The following RADX variants were observed in gnomAD, a reference collection of about 807,000 sequenced individuals.
The protein encoded by RADX is RPA1 related single stranded DNA binding protein, X-linked.
In RADX, 36 loss-of-function variants were observed where a neutral mutation model predicts 61.6. The observed-to-expected ratio is 0.58, with a 90% confidence interval of 0.45 to 0.77. The LOEUF is 0.77. RADX is among the 30% of genes least tolerant of loss of function. RADX has a pLI of 0.00. For missense variants in RADX, 497 were observed against 651.1 expected, an observed-to-expected ratio of 0.76 and a Z score of 2.58; for synonymous variants, 272 against 237.9, an observed-to-expected ratio of 1.14 and a Z score of -1.32.
chrX:106,653,436 A>G (rs1427855869), intron 11 of RADX, among the ~76,000 whole-genome samples: 2 of 111,281 alleles, frequency 1.8e-5, no homozygotes, highest in Non-Finnish European at 3.8e-5. Context: ...AATGTTGTAT[A>G]TTGTAGACCT....
chrX:106,630,621 TA>T (rs1485849311), intron 3 of RADX, among the ~76,000 whole-genome samples: 1 of 110,777 alleles, frequency 9.0e-6, no homozygotes, highest in African/African-American at 3.3e-5. Context: ...CACAAAGTAT[TA>T]AAAAAATAGG....
At chrX:106,612,753 T>G in intron 1 of RADX, 30 bp downstream of exon 1, 2 of 1,149,966 alleles carry the variant, frequency 1.7e-6, no homozygotes, top group South Asian at 4.2e-5. Flanking sequence ...GGCAGAGGGT[T>G]TTAAAAAAAA....
At chrX:106,627,847 A>T (rs1328719944) in intron 3 of RADX, among the ~76,000 whole-genome samples, 1 of 111,194 alleles carries the variant, frequency 9.0e-6, no homozygotes, top group Non-Finnish European at 1.9e-5. Flanking sequence ...TTATTTATTT[A>T]TTTTTTGAGA....
intron 13 of RADX, among the ~76,000 whole-genome samples, chrX:106,674,075 T>C (rs1928441455): frequency 9.0e-6 from 1 of 111,319 alleles, no homozygotes; most frequent in South Asian, 3.8e-4. Flanking sequence ...TTTTTCTACC[T>C]CTTCAGTGCC....
At chrX:106,622,343 C>A (rs1362373096) in intron 1 of RADX, among the ~76,000 whole-genome samples, 1 of 108,508 alleles carries the variant, frequency 9.2e-6, no homozygotes, top group East Asian at 2.9e-4. Flanking sequence ...GAGTTTAAAT[C>A]CAGGTTTTCC....
At chrX:106,664,241 GT>G (rs1356462404) in intron 12 of RADX, among the ~76,000 whole-genome samples, 3 of 104,589 alleles carry the variant, frequency 2.9e-5, no homozygotes, top group South Asian at 4.3e-4. Context: ...AATTGTTATT[GT>G]TTTTTTTCTG....
At chrX:106,620,053 T>C (rs1926905291) in intron 1 of RADX, among the ~76,000 whole-genome samples, 1 of 111,853 alleles carries the variant, frequency 8.9e-6, no homozygotes, top group South Asian at 3.7e-4. Context: ...TTCACAATAC[T>C]AAGGCTTTAC....
chrX:106,633,691 G>T (rs1927293774), intron 6 of RADX, among the ~76,000 whole-genome samples: 1 of 111,766 alleles, frequency 8.9e-6, no homozygotes, highest in Non-Finnish European at 1.9e-5. Context: ...TGGTAAGTAT[G>T]GTTCCGGTCG....
chrX:106,614,935 G>T (rs1223695262), intron 1 of RADX, among the ~76,000 whole-genome samples: 2 of 111,218 alleles, frequency 1.8e-5, no homozygotes, highest in African/African-American at 6.5e-5. Flanking sequence ...CTCCCTTTAA[G>T]ATATAGAACA....
intron 10 of RADX, among the ~76,000 whole-genome samples, chrX:106,646,630 C>G (rs1927665666): frequency 9.0e-6 from 1 of 110,739 alleles, no homozygotes; most frequent in Non-Finnish European, 1.9e-5. Context: ...GGAAATTATG[C>G]TGGAGCTAAA....
chrX:106,633,912 GA>G (rs1239208461), intron 6 of RADX, among the ~76,000 whole-genome samples: 1 of 111,031 alleles, frequency 9.0e-6, no homozygotes, highest in African/African-American at 3.3e-5. Context: ...TTATGATAAG[GA>G]AAAAAGTATA....
intron 13 of RADX, among the ~76,000 whole-genome samples, chrX:106,671,033 T>C (rs936371178): frequency 9.0e-6 from 1 of 111,468 alleles, no homozygotes; most frequent in African/African-American, 3.3e-5. Context: ...CAGGTAAAAA[T>C]GAAAGCTCCC....
intron 12 of RADX, 146 bp downstream of exon 12, chrX:106,662,451 C>T (rs1928124207): frequency 2.1e-6 from 1 of 467,763 alleles, no homozygotes; most frequent in African/African-American, 2.4e-5. Context: ...GAATGGAGCA[C>T]CAATTATGGA....
chrX:106,658,803 A>G (rs956184781), intron 11 of RADX, among the ~76,000 whole-genome samples: 1 of 111,378 alleles, frequency 9.0e-6, no homozygotes, highest in African/African-American at 3.3e-5. Flanking sequence ...ATATCTAGTA[A>G]CTCAGACATA....
At chrX:106,643,727 G>A (rs959096629) in intron 10 of RADX, among the ~76,000 whole-genome samples, 4 of 111,390 alleles carry the variant, frequency 3.6e-5, no homozygotes, top group Admixed American at 9.5e-5. Flanking sequence ...ACATTGATTT[G>A]CATATGTTGA....
chrX:106,667,838 A>G, intron 12 of RADX, among the ~76,000 whole-genome samples: 1 of 111,737 alleles, frequency 8.9e-6, no homozygotes, highest in Non-Finnish European at 1.9e-5. Context: ...GGAACGGTCA[A>G]TGGTAAATTT....
At chrX:106,660,813 G>A (rs748016077) in intron 11 of RADX, among the ~76,000 whole-genome samples, 6 of 111,913 alleles carry the variant, frequency 5.4e-5, no homozygotes, top group African/African-American at 9.7e-5. Flanking sequence ...TAATGTATAC[G>A]TGTATTAGTC....
At chrX:106,623,657 A>G (rs2147613826) in intron 2 of RADX, among the ~76,000 whole-genome samples, 1 of 110,974 alleles carries the variant, frequency 9.0e-6, no homozygotes, top group Admixed American at 9.7e-5. Context: ...TTAATCATAT[A>G]TATCACATAT....
chrX:106,620,046 A>G (rs1250492084), intron 1 of RADX, among the ~76,000 whole-genome samples: 1 of 111,682 alleles, frequency 9.0e-6, no homozygotes, highest in Non-Finnish European at 1.9e-5. Flanking sequence ...AGCTATTTTC[A>G]CAATACTAAG....
Sources: gnomAD v4.1 joint callset for allele counts (sites outside exome capture counted in the v4.1 genomes callset) on GRCh38, gnomAD v4.1.1 for gene constraint, MANE v1.5 for transcripts, NCBI Gene and HGNC (gene_info 2026-07-23, HGNC 2026-07-21) for gene names.